The following FMNL2 variants were observed in gnomAD, a reference collection of about 807,000 sequenced individuals.
The protein encoded by FMNL2 is formin-like protein 2.
In FMNL2, 51 loss-of-function variants were observed where a neutral mutation model predicts 130.2. That is an observed-to-expected ratio of 0.39 (90% CI 0.31 to 0.49). The LOEUF is 0.49. Among genes scored for constraint, FMNL2 ranks in the 20% least tolerant of loss-of-function variants. The pLI, the probability that FMNL2 is intolerant of heterozygous loss-of-function variation, is 0.85. For synonymous variants in FMNL2, 465 were observed against 467.1 expected (o/e 1.00, Z 0.06); for missense variants, 977 against 1,316.2 (o/e 0.74, Z 3.99).
chr2:152,642,806 G>A (rs1430256004), intron 25 of FMNL2, among the ~76,000 whole-genome samples: 1 of 152,120 alleles, frequency 6.6e-6, no homozygotes, highest in African/African-American at 2.4e-5. Context: ...TCAGGACTTC[G>A]AAACCAGCCT....
At chr2:152,383,292 T>TTC (rs1684588663) in intron 1 of FMNL2, among the ~76,000 whole-genome samples, 1 of 151,034 alleles carries the variant, frequency 6.6e-6, no homozygotes, top group African/African-American at 2.4e-5. Context: ...TTTTTTTTTT[T>TTC]TTGTAGTTTA....
At chr2:152,562,259 C>G (rs1338581532) in intron 6 of FMNL2, among the ~76,000 whole-genome samples, 1 of 152,108 alleles carries the variant, frequency 6.6e-6, no homozygotes, top group Non-Finnish European at 1.5e-5. Context: ...TACACTACCC[C>G]CTTACTTACT....
chr2:152,357,103 T>TATATCAC (rs1682859294), intron 1 of FMNL2, among the ~76,000 whole-genome samples: 3 of 123,568 alleles, frequency 2.4e-5, no homozygotes, highest in African/African-American at 3.4e-5. Flanking sequence ...ATAAGTTTAA[T>TATATCAC]GTATCACGAT....
intron 20 of FMNL2, 120 bp downstream of exon 20, chr2:152,630,025 C>T (rs1682058089): frequency 2.3e-6 from 2 of 860,224 alleles, no homozygotes; most frequent in Non-Finnish European, 3.6e-6. Context: ...TCAACTGGTA[C>T]TAATTTTCTG....
intron 1 of FMNL2, among the ~76,000 whole-genome samples, chr2:152,352,876 A>G (rs911856614): frequency 1.3e-5 from 2 of 152,028 alleles, no homozygotes; most frequent in Non-Finnish European, 2.9e-5. Context: ...GCCCTCAGTG[A>G]TAACCCATAG....
At chr2:152,559,948 A>G (rs1441797880) in intron 5 of FMNL2, among the ~76,000 whole-genome samples, 1 of 152,226 alleles carries the variant, frequency 6.6e-6, no homozygotes, top group African/African-American at 2.4e-5. Flanking sequence ...GGTGAAAGTC[A>G]TCACCAATTT....
In FMNL2 at chr2:152,632,245, G is replaced by T. The variant is rs527807234; in HGVS notation, c.2680+108G>T. On this transcript the variant is annotated intron_variant, in intron 21 of 25. Coordinates refer to ENST00000288670, the MANE Select transcript of FMNL2 (RefSeq NM_052905.4). Reference sequence around the variant, plus strand: ...TTCAGAACCCATTTAAAAAGCCAAGGCTAAGAAGTCAGACACACTGAGCTG... The same window carrying T: ...TTCAGAACCCATTTAAAAAGCCAAGTCTAAGAAGTCAGACACACTGAGCTG... 147 of 1,450,558 alleles carry T rather than the reference G, an allele frequency of 1.0e-4. No individual in the cohort carries two copies. The South Asian group carries it at 1.5e-3, about 14-fold the overall frequency. 89.9% of individuals were successfully genotyped at this position (1,450,558 alleles called of 1,614,324 possible). A position where few individuals can be genotyped will look rare whatever the true frequency, so the allele number is the denominator to read the frequency against.
intron 22 of FMNL2, among the ~76,000 whole-genome samples, chr2:152,637,196 C>T (rs1372889496): frequency 3.3e-5 from 5 of 152,176 alleles, no homozygotes; most frequent in African/African-American, 1.2e-4. Flanking sequence ...GTCAGAGTGA[C>T]CAAGATCCCT....
chr2:152,459,559 TA>T (rs1418968632), intron 1 of FMNL2, among the ~76,000 whole-genome samples: 1 of 152,256 alleles, frequency 6.6e-6, no homozygotes, highest in Non-Finnish European at 1.5e-5. Flanking sequence ...TTGTGCCTTT[TA>T]TTACTTTTCC....
chr2:152,434,026 A>G (rs1471794237), intron 1 of FMNL2, among the ~76,000 whole-genome samples: 1 of 152,222 alleles, frequency 6.6e-6, no homozygotes, highest in East Asian at 1.9e-4. Context: ...TTGAGTAGAA[A>G]CAGAAGGACA....
Position 152,558,721 on chromosome 2 carries a change from T to G in FMNL2, c.360-19T>G, listed in dbSNP as rs10195938. 8.9e-5 allele frequency: 133 copies of G among 1,498,676 alleles called. 1 individual carries two copies. Among genetic ancestry groups the G allele is most frequent in the East Asian group, 3.8e-4 (15 of 39,956 alleles). 92.8% of individuals were successfully genotyped at this position (1,498,676 alleles called of 1,614,324 possible). A position where few individuals can be genotyped will look rare whatever the true frequency, so the allele number is the denominator to read the frequency against. On this transcript the variant is annotated intron_variant, in intron 4 of 25. Coordinates refer to ENST00000288670, the MANE Select transcript of FMNL2 (RefSeq NM_052905.4). ...GTGATCAATTTCTCCAATGATTTTT[T>G]TTTTTTTTTCCCCAACAGATGGGTC...
At chr2:152,645,597 G>C (rs1286357878) in intron 25 of FMNL2, 15 of 1,004,072 alleles carry the variant, frequency 1.5e-5, no homozygotes, top group Admixed American at 2.5e-5. Flanking sequence ...ATCTATGGCT[G>C]AGGGTAATAC....
chr2:152,522,122 A>T, intron 2 of FMNL2, 96 bp downstream of exon 2: 7 of 1,019,172 alleles, frequency 6.9e-6, no homozygotes, highest in Non-Finnish European at 1.0e-5. Context: ...TTGAAAAACA[A>T]GATATTTGCT....
intron 1 of FMNL2, among the ~76,000 whole-genome samples, chr2:152,388,193 G>T (rs1408917008): frequency 6.6e-6 from 1 of 152,114 alleles, no homozygotes; most frequent in African/African-American, 2.4e-5. Flanking sequence ...GTGTACTAAG[G>T]ATCAGTTTAA....
At chr2:152,510,132 C>T (rs1298836681) in intron 1 of FMNL2, among the ~76,000 whole-genome samples, 3 of 152,166 alleles carry the variant, frequency 2.0e-5, no homozygotes, top group Admixed American at 6.5e-5. Flanking sequence ...TTAACAACCA[C>T]GTACAAATAG....
chr2:152,434,689 G>A (rs1687660558), intron 1 of FMNL2, among the ~76,000 whole-genome samples: 1 of 151,872 alleles, frequency 6.6e-6, no homozygotes, highest in African/African-American at 2.4e-5. Flanking sequence ...TTGCCCCAGA[G>A]GGCTGAGAAT....
intron 9 of FMNL2, among the ~76,000 whole-genome samples, chr2:152,593,798 G>T (rs1306892121): frequency 6.8e-6 from 1 of 146,498 alleles, no homozygotes; most frequent in African/African-American, 2.5e-5. Context: ...GTGCAATGAA[G>T]GTAATGAATG....
At chr2:152,403,837 A>G (rs1439754726) in intron 1 of FMNL2, among the ~76,000 whole-genome samples, 8 of 152,232 alleles carry the variant, frequency 5.3e-5, no homozygotes, top group Admixed American at 3.3e-4. Context: ...TGGGATGCCA[A>G]GGTGGGTAGA....
chr2:152,478,728 A>T (rs1472575893), intron 1 of FMNL2, among the ~76,000 whole-genome samples: 1 of 152,194 alleles, frequency 6.6e-6, no homozygotes, highest in Non-Finnish European at 1.5e-5. Context: ...AGACTAATGT[A>T]GGATGAGAGC....
Sources: gnomAD v4.1 joint callset for allele counts (sites outside exome capture counted in the v4.1 genomes callset) on GRCh38, gnomAD v4.1.1 for gene constraint, MANE v1.5 for transcripts, NCBI Gene and HGNC (gene_info 2026-07-23, HGNC 2026-07-21) for gene names.